Variants in GABBR2 observed in about 807,000 individuals in gnomAD.
GABBR2 encodes the protein G-protein coupled receptor 51.
Under a neutral mutation model 105.6 loss-of-function variants are expected in GABBR2, and 23 were observed. The observed-to-expected ratio is 0.22, with a 90% CI of 0.16 to 0.31. The LOEUF (loss-of-function observed/expected upper bound fraction) is 0.31, where lower values mean the gene tolerates loss of function less well. Among genes scored for constraint, GABBR2 ranks in the 10% least tolerant of loss-of-function variants. The pLI is 1.00. For missense variants in GABBR2, 734 were observed against 1,245.5 expected (o/e 0.59, Z 6.18); for synonymous variants, 478 against 499.7 (o/e 0.96, Z 0.58).
At chr9:98,682,366 C>CT (rs58885676) in intron 1 of GABBR2, among the ~76,000 whole-genome samples, 1,900 of 52,268 alleles carry the variant, frequency 0.036, 190 homozygotes, top group African/African-American at 0.047. Context: ...ATTTTACCAT[C>CT]TTTTTTTTTT....
intron 13 of GABBR2, among the ~76,000 whole-genome samples, chr9:98,322,991 T>C (rs1307361827): frequency 6.6e-6 from 1 of 152,130 alleles, no homozygotes; most frequent in African/African-American, 2.4e-5. Context: ...TTATATACAC[T>C]GTCCCATTTC....
intron 3 of GABBR2, among the ~76,000 whole-genome samples, chr9:98,503,700 C>G (rs966401316): frequency 6.6e-6 from 1 of 152,160 alleles, no homozygotes; most frequent in Non-Finnish European, 1.5e-5. Flanking sequence ...CCACTGTCCC[C>G]CACAGTTTCC....
chr9:98,412,267 A>G (rs1832604479), intron 7 of GABBR2, among the ~76,000 whole-genome samples: 1 of 152,254 alleles, frequency 6.6e-6, no homozygotes, highest in Non-Finnish European at 1.5e-5. Flanking sequence ...CGCTGGGCTC[A>G]GCCTAATATT....
chr9:98,370,104 C>A (rs1439047550), intron 12 of GABBR2, among the ~76,000 whole-genome samples: 5 of 152,044 alleles, frequency 3.3e-5, no homozygotes, highest in African/African-American at 9.7e-5. Flanking sequence ...ACTACAGTGA[C>A]ATCAACCTTC....
intron 2 of GABBR2, among the ~76,000 whole-genome samples, chr9:98,544,319 C>G (rs906936395): frequency 6.6e-6 from 1 of 152,154 alleles, no homozygotes; most frequent in African/African-American, 2.4e-5. Context: ...CTTTCCATGT[C>G]TGTTTCAGAG....
intron 7 of GABBR2, among the ~76,000 whole-genome samples, chr9:98,443,053 AT>A (rs1826059165): frequency 1.3e-5 from 2 of 152,254 alleles, no homozygotes; most frequent in Non-Finnish European, 2.9e-5. Context: ...AATTCAATCC[AT>A]AACAGGTGAA....
intron 7 of GABBR2, among the ~76,000 whole-genome samples, chr9:98,431,858 G>A (rs1825814102): frequency 6.6e-6 from 1 of 151,970 alleles, no homozygotes; most frequent in Non-Finnish European, 1.5e-5. Context: ...ACCATGCCCA[G>A]CTAATTTTGT....
chr9:98,312,151 T>C (rs753541641), intron 13 of GABBR2, among the ~76,000 whole-genome samples: 13 of 152,350 alleles, frequency 8.5e-5, no homozygotes, highest in Non-Finnish European at 1.3e-4. Flanking sequence ...GTGTATTATC[T>C]AATATACTAG....
At chr9:98,663,543 G>A (rs997410031) in intron 1 of GABBR2, among the ~76,000 whole-genome samples, 4 of 151,898 alleles carry the variant, frequency 2.6e-5, no homozygotes, top group Admixed American at 6.6e-5. Context: ...TAACAGAATG[G>A]TGTTCCTCAG....
chr9:98,596,783 G>A lies in GABBR2; in HGVS notation c.322-18711C>T, dbSNP rs1025816555. On this transcript the variant is annotated intron_variant, in intron 1 of 18. Transcript: ENST00000259455. ...GCCTCCATTCACCAGCTGCCTCCGCGTTTGGAGGGGCAGAGTCACAGATTC... is the reference window on the plus strand; with the variant it reads ...GCCTCCATTCACCAGCTGCCTCCGCATTTGGAGGGGCAGAGTCACAGATTC... 2.6e-5 allele frequency among the ~76,000 whole-genome samples: 4 copies of A among 152,080 alleles called. No homozygotes were observed. In the East Asian group the frequency reaches 5.8e-4, roughly 22 times the overall value.
chr9:98,694,109 C>A (rs904408819), intron 1 of GABBR2, among the ~76,000 whole-genome samples: 1 of 152,238 alleles, frequency 6.6e-6, no homozygotes, highest in Non-Finnish European at 1.5e-5. Flanking sequence ...AATGAAAACG[C>A]CCAGCACACA....
intron 1 of GABBR2, among the ~76,000 whole-genome samples, chr9:98,608,905 A>T (rs1446598045): frequency 3.3e-5 from 5 of 152,158 alleles, no homozygotes; most frequent in African/African-American, 1.2e-4. Flanking sequence ...TTTACACTTT[A>T]TGGTAAGTAG....
chr9:98,633,062 C>A (rs546844312), intron 1 of GABBR2, among the ~76,000 whole-genome samples: 1 of 152,170 alleles, frequency 6.6e-6, no homozygotes, highest in Admixed American at 6.5e-5. Context: ...TGTAGATATC[C>A]GTGGTGTGAA....
intron 10 of GABBR2, 102 bp from the exon 11 acceptor site, chr9:98,385,874 G>T: frequency 1.1e-6 from 1 of 903,260 alleles, no homozygotes; most frequent in Non-Finnish European, 1.7e-6. Flanking sequence ...TGTTGCTCAG[G>T]CTAGAGGGGA....
At chr9:98,385,491 C>CCCTG in intron 11 of GABBR2, 149 bp downstream of exon 11, 1 of 659,388 alleles carries the variant, frequency 1.5e-6, no homozygotes. Context: ...CACCGTTCTT[C>CCCTG]CCTGTTGAGT....
intron 17 of GABBR2, among the ~76,000 whole-genome samples, chr9:98,295,025 C>T (rs1830358604): frequency 6.6e-6 from 1 of 152,150 alleles, no homozygotes; most frequent in Admixed American, 6.5e-5. Context: ...TGTTTTTGCT[C>T]CAGTGGGCAA....
intron 6 of GABBR2, among the ~76,000 whole-genome samples, chr9:98,462,906 T>A (rs1826450882): frequency 6.6e-6 from 1 of 152,190 alleles, no homozygotes; most frequent in Non-Finnish European, 1.5e-5. Flanking sequence ...TCTTTTTAAT[T>A]GAGATGGAGT....
At chr9:98,381,219 T>C (rs1033667771) in intron 11 of GABBR2, among the ~76,000 whole-genome samples, 4 of 152,260 alleles carry the variant, frequency 2.6e-5, no homozygotes, top group Non-Finnish European at 4.4e-5. Context: ...AAAACTGTTA[T>C]GCTCATTTTA....
chr9:98,378,809 C>T (rs1831922203), intron 11 of GABBR2, among the ~76,000 whole-genome samples: 1 of 152,192 alleles, frequency 6.6e-6, no homozygotes, highest in South Asian at 2.1e-4. Flanking sequence ...GGTCCTGCTT[C>T]TTGATATGGA....
Sources: allele counts gnomAD v4.1 joint callset (sites outside exome capture counted in the v4.1 genomes callset), GRCh38; gene constraint gnomAD v4.1.1; transcripts MANE v1.5; gene names NCBI Gene and HGNC (gene_info 2026-07-23, HGNC 2026-07-21).